Variants in FAM9A observed in about 807,000 individuals in gnomAD.
The protein encoded by FAM9A is family with sequence similarity 9 member A.
FAM9A carries 49 observed loss-of-function variants against 25.0 expected under a neutral mutation model. The ratio of observed to expected loss-of-function variants is 1.96; its 90% CI spans 1.56 to 2.48. The LOEUF is 2.48. Ranked by LOEUF, FAM9A falls within the 30% of genes most tolerant of loss-of-function variation. FAM9A has a pLI of 0.00. For synonymous variants in FAM9A, 80 were observed against 85.1 expected, an observed-to-expected ratio of 0.94 and a Z score of 0.33; for missense variants, 266 against 249.3, an observed-to-expected ratio of 1.07 and a Z score of -0.45.
At chrX:8,792,191 G>A (rs183782605) in intron 8 of FAM9A, among the ~76,000 whole-genome samples, 2 of 111,465 alleles carry the variant, frequency 1.8e-5, no homozygotes, top group Admixed American at 1.9e-4. Flanking sequence ...AAAGACAGAG[G>A]GCGGCAAGCC....
chrX:8,795,488 A>C (rs760364118), intron 6 of FAM9A, 68 bp from the exon 7 acceptor site: 223 of 934,809 alleles, frequency 2.4e-4, no homozygotes, highest in Middle Eastern at 8.5e-4. Context: ...TATTCAAACC[A>C]AAACTGACTT....
chrX:8,796,484 G>A, intron 5 of FAM9A, 102 bp from the exon 6 acceptor site: 2 of 504,052 alleles, frequency 4.0e-6, no homozygotes, highest in Non-Finnish European at 6.6e-6. Context: ...AATATCGGAA[G>A]GACATTTACA....
intron 3 of FAM9A, 136 bp from the exon 4 acceptor site, chrX:8,798,615 A>G (rs1933561084): frequency 9.5e-7 from 1 of 1,052,576 alleles, no homozygotes; most frequent in African/African-American, 1.9e-5. Context: ...TATGCATGGA[A>G]TCACTGGGCT....
At chrX:8,800,029 C>G in intron 2 of FAM9A, 52 bp downstream of exon 2, 1 of 1,174,004 alleles carries the variant, frequency 8.5e-7, no homozygotes, top group African/African-American at 1.8e-5. Flanking sequence ...TCTCGGGCTG[C>G]CCATGTGCCC....
At chrX:8,800,351 C>G in intron 1 of FAM9A, 142 bp from the exon 2 acceptor site, 1 of 786,297 alleles carries the variant, frequency 1.3e-6, no homozygotes. Context: ...GGAGAAGATG[C>G]CAGTGTCCCC....
intron 2 of FAM9A, 38 bp downstream of exon 2, chrX:8,800,043 G>A (rs757337411): frequency 2.1e-5 from 25 of 1,192,072 alleles, no homozygotes; most frequent in South Asian, 1.1e-4. Context: ...TGTGCCCCCC[G>A]CGCAGAGAGC....
In FAM9A at chrX:8,801,352, C is replaced by G. The variant is rs780153798; in HGVS notation, c.-80G>C. On this transcript the variant is annotated 5_prime_UTR_variant, in exon 1 of 10. Coordinates refer to ENST00000381003, the MANE Select transcript of FAM9A (RefSeq NM_174951.3). ...GCCGCTTCCTCACAGAACCTGCAGG[C>G]ACTGGCACCACGACGCTCTCTTAGA... 8.9e-6 allele frequency: 1 copy of G among 111,950 alleles called. No individual in the cohort carries two copies. The highest frequency in any genetic ancestry group is 1.9e-5 in the Non-Finnish European group (1 of 53,103). The allele number at this position is 111,950 out of a possible 1,213,427, so 9.2% of individuals were successfully genotyped here.
Position 8,793,751 on chromosome X carries a change from T to C in FAM9A, c.837A>G (p.Ala279=). Residue 279 remains alanine (A), a synonymous_variant, in exon 8 of 10, where the codon GCA becomes GCG. Coordinates refer to ENST00000381003, the MANE Select transcript of FAM9A (RefSeq NM_174951.3). The stretch of plus-strand genomic sequence containing the variant: ...GCCACCTCTTCTGTTTTTCTTGAAA[T>C]GCTTTCTAGAAGCACAAAAAAATAG... ...EEEEEEEQIK[A]FQEKQKRWQQ... The C allele has an allele frequency of 8.3e-7, 1 of 1,198,769 alleles. No individual in the cohort carries two copies. Among genetic ancestry groups the C allele is most frequent in the Non-Finnish European group, 1.1e-6 (1 of 885,029 alleles).
intron 6 of FAM9A, 33 bp downstream of exon 6, chrX:8,796,235 A>T: frequency 9.8e-7 from 1 of 1,020,421 alleles, no homozygotes; most frequent in Non-Finnish European, 1.4e-6. Flanking sequence ...AAATGATATA[A>T]ATATCATTAT....
At position 8,795,434 on chromosome X, in the gene FAM9A, T is replaced by C. The variant is rs780884551; in HGVS notation, c.489-14A>G. On this transcript the variant is annotated splice_polypyrimidine_tract_variant and intron_variant, in intron 6 of 9. Transcript: ENST00000381003. Reference sequence around the variant, plus strand: ...TCACGTTTCTGCCTGTAACACATAATAAGTAATACGGTCATATGTCATAGA... The same window carrying C: ...TCACGTTTCTGCCTGTAACACATAACAAGTAATACGGTCATATGTCATAGA... 8.6e-6 allele frequency: 10 copies of C among 1,164,831 alleles called. No individual in the cohort carries two copies. The highest frequency in any genetic ancestry group is 1.0e-5 in the Non-Finnish European group (9 of 865,824).
chrX:8,798,449 T>G lies in FAM9A; in HGVS notation c.251A>C (p.Glu84Ala), dbSNP rs1426528223. The change falls in exon 4 of 10, where the codon GAA becomes GCA. Residue 84 changes from glutamate (E) to alanine (A), a missense_variant. Coordinates refer to ENST00000381003, the MANE Select transcript of FAM9A (RefSeq NM_174951.3). ...GKDPVRDECEERNPFTETREE... is the reference protein window; with the variant it reads ...GKDPVRDECEARNPFTETREE... ...CCTTGTTTCTGTAAAAGGGTTTCTT[T>G]CCTCACATTCATCACGGACTGGATC... 1.7e-6 allele frequency: 2 copies of G among 1,210,283 alleles called. No individual in the cohort carries two copies. The highest frequency in any genetic ancestry group is 2.2e-6 in the Non-Finnish European group (2 of 895,363).
At chrX:8,791,525 T>C in intron 8 of FAM9A, 146 bp from the exon 9 acceptor site, 1 of 425,950 alleles carries the variant, frequency 2.3e-6, no homozygotes, top group Non-Finnish European at 3.9e-6. Context: ...CTGTAACCAA[T>C]ACATGGAGCT....
At chrX:8,792,453 A>G (rs753517289) in intron 8 of FAM9A, among the ~76,000 whole-genome samples, 1 of 111,300 alleles carries the variant, frequency 9.0e-6, no homozygotes, top group South Asian at 3.9e-4. Context: ...TAAAAAAAGA[A>G]ATTTAAGGGC....
Position 8,795,321 on chromosome X carries a change from G to A in FAM9A, c.588C>T (p.Ala196=), listed in dbSNP as rs144613133. The A allele has an allele frequency of 1.5e-4, 176 of 1,204,150 alleles. No homozygotes were observed. Among genetic ancestry groups the A allele is most frequent in the Middle Eastern group, 9.3e-4 (3 of 3,241 alleles). ...CTGCGGCTTCTGCTGCTGCTGCTGC[G>A]GCTTCTGCTTCTTCTGCTTCATCAT... The part of the protein sequence containing the change: ...QKDDEAEEAE[A]AAAAAEAAAA... The change falls in exon 7 of 10, where the codon GCC becomes GCT. Residue 196 remains alanine (A), a synonymous_variant. Coordinates refer to ENST00000381003, the MANE Select transcript of FAM9A (RefSeq NM_174951.3).
rs1933567375 is a variant in FAM9A at position 8,799,019 on chromosome X, G to A, written c.167C>T (p.Ala56Val). 1 of 1,211,674 alleles carries A rather than the reference G, an allele frequency of 8.3e-7. No homozygotes were observed. The highest frequency in any genetic ancestry group is 1.7e-5 in the African/African-American group (1 of 57,677). Residue 56 changes from alanine (A) to valine (V), a missense_variant, in exon 3 of 10, where the codon GCC (alanine) becomes GTC (valine). Coordinates refer to ENST00000381003, the MANE Select transcript of FAM9A (RefSeq NM_174951.3). ...AACTTGAGCTTCCAACTGAGCTTTG[G>A]CAGCCTTCCTGCTGCGCTTCCTGCC... ...PVGRKRSRKA[A>V]KAQLEAQVRA...
At chrX:8,798,919 C>T in intron 3 of FAM9A, 47 bp downstream of exon 3, 1 of 1,210,100 alleles carries the variant, frequency 8.3e-7, no homozygotes, top group Non-Finnish European at 1.1e-6. Flanking sequence ...GACAGACCGT[C>T]CTCTTGGGCG....
intron 6 of FAM9A, among the ~76,000 whole-genome samples, chrX:8,795,684 A>G (rs1361670493): frequency 9.0e-6 from 1 of 111,731 alleles, no homozygotes; most frequent in Non-Finnish European, 1.9e-5. Context: ...ATTTCCCAGA[A>G]ACAATAATTT....
chrX:8,796,265 T>C lies in FAM9A; in HGVS notation c.488+3A>G. The stretch of plus-strand genomic sequence containing the variant: ...CATTATGCAAAAAAGCCAACAATCA[T>C]ACCTTTTTAGTTGTTTTTTTTTCAA... On this transcript the variant is annotated splice_donor_region_variant and intron_variant, in intron 6 of 9. Coordinates refer to ENST00000381003, the MANE Select transcript of FAM9A (RefSeq NM_174951.3). 8.6e-7 allele frequency: 1 copy of C among 1,159,685 alleles called. No individual in the cohort carries two copies. The highest frequency in any genetic ancestry group is 1.2e-6 in the Non-Finnish European group (1 of 856,779).
Position 8,795,133 on chromosome X carries a change from T to TCTCCTTCTCCTCCTCCTC in FAM9A, c.758_775dup (p.Gly253_Gly258dup), listed in dbSNP as rs1933512183. On this transcript the variant is annotated inframe_insertion, in exon 7 of 10. Coordinates refer to ENST00000381003, the MANE Select transcript of FAM9A (RefSeq NM_174951.3). ...TTCCTCTTCCTCTTCTTCTGTTTCT[T>TCTCCTTCTCCTCCTCCTC]CTCCTTCTCCTCCTCCTCCTCCTTC... 1 of 1,114,833 alleles carries TCTCCTTCTCCTCCTCCTC rather than the reference T, an allele frequency of 9.0e-7. No homozygotes were observed. Among genetic ancestry groups the TCTCCTTCTCCTCCTCCTC allele is most frequent in the Non-Finnish European group, 1.2e-6 (1 of 824,041 alleles). The allele number at this position is 1,114,833 out of a possible 1,213,427, so 91.9% of individuals were successfully genotyped here.
Sources: gnomAD v4.1 joint callset for allele counts (sites outside exome capture counted in the v4.1 genomes callset) on GRCh38, gnomAD v4.1.1 for gene constraint, MANE v1.5 for transcripts, NCBI Gene and HGNC (gene_info 2026-07-23, HGNC 2026-07-21) for gene names.